The following IMPG1 variants were observed in gnomAD, a reference collection of about 807,000 sequenced individuals.
IMPG1 encodes interphotoreceptor matrix proteoglycan 1.
Under a neutral mutation model 92.0 loss-of-function variants are expected in IMPG1, and 85 were observed. The observed-to-expected ratio is 0.92, with a 90% confidence interval of 0.78 to 1.11. The LOEUF is 1.11. Among genes scored for constraint, IMPG1 ranks in the 50% least tolerant of loss-of-function variants. The pLI, the probability that IMPG1 is intolerant of heterozygous loss-of-function variation, is 0.00. For missense variants in IMPG1, 1,022 were observed against 956.0 expected (o/e 1.07, Z -0.91); for synonymous variants, 367 against 334.1 (o/e 1.10, Z -1.08).
chr6:76,022,170 G>A lies in IMPG1; in HGVS notation c.612C>T (p.Thr204=). 1.3e-6 allele frequency: 2 copies of A among 1,597,714 alleles called. No individual in the cohort carries two copies. The highest frequency in any genetic ancestry group is 1.7e-6 in the Non-Finnish European group (2 of 1,168,748). The change falls in exon 6 of 17, where the codon ACC becomes ACT. Residue 204 remains threonine, a synonymous_variant. Transcript: ENST00000369950. ...TATTATCGAGAATTTCATTGAGGAG[G>A]GTGTCATCAGGAGTGAGAGGGAAAG... ...LGPFPLTPDD[T]LLNEILDNTL...
At chr6:76,055,025 A>G (rs1784097742) in intron 1 of IMPG1, among the ~76,000 whole-genome samples, 1 of 152,064 alleles carries the variant, frequency 6.6e-6, no homozygotes, top group South Asian at 2.1e-4. Context: ...GAACAAATAA[A>G]TTCAGTAAGG....
intron 12 of IMPG1, among the ~76,000 whole-genome samples, chr6:75,970,918 C>T (rs1051154194): frequency 6.6e-5 from 10 of 152,272 alleles, no homozygotes; most frequent in South Asian, 2.1e-4. Context: ...GGCGATTCCT[C>T]AGGGATCTAG....
At chr6:76,013,468 A>G (rs1783227812) in intron 7 of IMPG1, among the ~76,000 whole-genome samples, 2 of 151,860 alleles carry the variant, frequency 1.3e-5, no homozygotes, top group Admixed American at 6.6e-5. Context: ...CACTGCACCC[A>G]TTTTCAAAGC....
chr6:76,035,017 CGTGTGT>C (rs986842155), intron 2 of IMPG1, among the ~76,000 whole-genome samples: 1 of 145,964 alleles, frequency 6.9e-6, no homozygotes, highest in African/African-American at 2.5e-5. Context: ...TGTGTGTGTG[CGTGTGT>C]GTGTGTGTGC....
chr6:75,984,940 C>T (rs1015385129), intron 12 of IMPG1, among the ~76,000 whole-genome samples: 4 of 152,142 alleles, frequency 2.6e-5, no homozygotes, highest in Admixed American at 2.6e-4. Context: ...CACCAGAAGC[C>T]AAGCCAATGT....
intron 1 of IMPG1, among the ~76,000 whole-genome samples, chr6:76,046,600 GGT>G (rs1783948148): frequency 6.6e-6 from 1 of 152,116 alleles, no homozygotes; most frequent in Admixed American, 6.6e-5. Flanking sequence ...TAGAACCAAT[GGT>G]ACACAGGGCC....
intron 12 of IMPG1, among the ~76,000 whole-genome samples, chr6:75,978,689 A>G (rs1413887863): frequency 6.6e-6 from 1 of 152,224 alleles, no homozygotes; most frequent in Non-Finnish European, 1.5e-5. Flanking sequence ...AAATTATTGA[A>G]TATCTACTAT....
At chr6:75,999,254 C>G (rs542998022) in intron 12 of IMPG1, among the ~76,000 whole-genome samples, 1 of 149,958 alleles carries the variant, frequency 6.7e-6, no homozygotes, top group East Asian at 1.9e-4. Context: ...CCCCACAATT[C>G]TATACAACAT....
intron 12 of IMPG1, among the ~76,000 whole-genome samples, chr6:75,956,533 CA>C (rs933320623): frequency 1.3e-5 from 2 of 152,192 alleles, no homozygotes; most frequent in Admixed American, 1.3e-4. Context: ...TTAATCTTTT[CA>C]AAAAACAAGC....
chr6:75,974,390 TC>T (rs1406032771), intron 12 of IMPG1, among the ~76,000 whole-genome samples: 3 of 113,598 alleles, frequency 2.6e-5, no homozygotes, highest in African/African-American at 1.0e-4. Context: ...TTTCTTTCTT[TC>T]TTTTCTTTCT....
intron 15 of IMPG1, among the ~76,000 whole-genome samples, chr6:75,924,714 A>AT (rs1206507999): frequency 2.0e-4 from 2 of 10,188 alleles, no homozygotes; most frequent in Non-Finnish European, 3.7e-4. Flanking sequence ...ATAATATATA[A>AT]TATATAATAT....
chr6:76,037,914 T>C (rs947337), intron 2 of IMPG1, among the ~76,000 whole-genome samples: 150,909 of 152,344 alleles, frequency 0.99, 74,750 homozygotes, highest in East Asian at 1. Flanking sequence ...TTGAGTGTGT[T>C]GCTTTTGGTC....
intron 12 of IMPG1, among the ~76,000 whole-genome samples, chr6:75,959,806 G>C (rs1046067327): frequency 2.6e-5 from 4 of 152,316 alleles, no homozygotes; most frequent in Admixed American, 2.0e-4. Context: ...GGGCTCCATG[G>C]GGGGTGGGAT....
At chr6:75,959,669 GA>G (rs1200289989) in intron 12 of IMPG1, among the ~76,000 whole-genome samples, 2 of 152,116 alleles carry the variant, frequency 1.3e-5, no homozygotes, top group African/African-American at 4.8e-5. Context: ...GCTGTGAGGG[GA>G]AAACTGCCTA....
At chr6:76,022,710 C>G (rs189224037) in intron 5 of IMPG1, among the ~76,000 whole-genome samples, 2 of 152,236 alleles carry the variant, frequency 1.3e-5, no homozygotes, top group East Asian at 3.9e-4. Flanking sequence ...TCACCATAAA[C>G]CATTTCAAAT....
In IMPG1 at chr6:75,974,391, CTTTTCT is replaced by C. The variant is rs1562354813; in HGVS notation, c.1292-23303_1292-23298del. ...TCTTTCTTTCTTTCTTTCTTTCTTT[CTTTTCT>C]TTCTTTCCTTCCTTCCTTCCTTCCT... is the stretch of plus-strand genomic sequence containing the variant. On this transcript the variant is annotated intron_variant, in intron 12 of 16. Transcript: ENST00000369950. 4.7e-4 allele frequency among the ~76,000 whole-genome samples: 26 copies of C among 54,774 alleles called. No homozygotes were observed. The South Asian group carries it at 4.9e-3, about 10-fold the overall frequency. 35.9% of individuals were successfully genotyped at this position (54,774 alleles called of 152,430 possible). A position where few individuals can be genotyped will look rare whatever the true frequency, so the allele number is the denominator to read the frequency against.
At chr6:75,934,742 G>T (rs1282072079) in intron 14 of IMPG1, among the ~76,000 whole-genome samples, 1 of 152,094 alleles carries the variant, frequency 6.6e-6, no homozygotes, top group Non-Finnish European at 1.5e-5. Context: ...CCAGACCTCA[G>T]AAGGTCTCAC....
At chr6:76,035,894 C>T (rs1783735145) in intron 2 of IMPG1, among the ~76,000 whole-genome samples, 1 of 152,110 alleles carries the variant, frequency 6.6e-6, no homozygotes, top group Non-Finnish European at 1.5e-5. Context: ...TTTTGGCAGT[C>T]TAGGTGATTT....
In IMPG1 at chr6:75,950,890, G is replaced by A; in HGVS notation, c.1496C>T (p.Pro499Leu). 1 of 1,613,918 alleles carries A rather than the reference G, an allele frequency of 6.2e-7. No homozygotes were observed. Among genetic ancestry groups the A allele is most frequent in the Non-Finnish European group, 8.5e-7 (1 of 1,179,924 alleles). The change falls in exon 13 of 17, where the codon CCA becomes CTA. Residue 499 changes from proline (P) to leucine (L), a missense_variant. Transcript: ENST00000369950. ...ISQLALGISH[P>L]PASSDDSRSS... is the part of the protein sequence containing the mutation. ...TCGGCTGTCATCTGAAGATGCAGGTGGATGTGAAATTCCCAGAGCCAGTTG... is the reference window on the plus strand; with the variant it reads ...TCGGCTGTCATCTGAAGATGCAGGTAGATGTGAAATTCCCAGAGCCAGTTG...
Sources: gnomAD v4.1 joint callset for allele counts (sites outside exome capture counted in the v4.1 genomes callset) on GRCh38, gnomAD v4.1.1 for gene constraint, MANE v1.5 for transcripts, NCBI Gene and HGNC (gene_info 2026-07-23, HGNC 2026-07-21) for gene names.